Variants in FAM120A observed in about 807,000 individuals in gnomAD.
The protein encoded by FAM120A is constitutive coactivator of PPAR-gamma-like protein 1.
In FAM120A, 15 loss-of-function variants were observed where a neutral mutation model predicts 109.7. The ratio of observed to expected loss-of-function variants is 0.14; its 90% CI spans 0.09 to 0.21. The LOEUF is 0.21. Ranked by LOEUF, FAM120A falls within the 10% of genes least tolerant of loss-of-function variation. The probability of loss-of-function intolerance (pLI) is 1.00; values close to 1 mark genes in which losing one functional copy is unlikely to be tolerated. For synonymous variants in FAM120A, 493 were observed against 572.8 expected (o/e 0.86, Z 1.99); for missense variants, 899 against 1,439.3 (o/e 0.62, Z 6.07).
Position 93,543,564 on chromosome 9 carries a change from G to A in FAM120A, c.2159+93G>A, listed in dbSNP as rs1030097855. ...AGATGAGTTCTAGAAAGGATGTAAAGTTTATTCCTGATCAATCATGTTGAA... is the reference window on the plus strand; with the variant it reads ...AGATGAGTTCTAGAAAGGATGTAAAATTTATTCCTGATCAATCATGTTGAA... On this transcript the variant is annotated intron_variant, in intron 11 of 17. Coordinates refer to ENST00000277165, the MANE Select transcript of FAM120A (RefSeq NM_014612.5). 4.7e-5 allele frequency: 68 copies of A among 1,435,602 alleles called. No individual in the cohort carries two copies. In the African/African-American group the frequency reaches 8.7e-4, roughly 18 times the overall value. The allele number at this position is 1,435,602 out of a possible 1,614,324, so 88.9% of individuals were successfully genotyped here. A position where few individuals can be genotyped will look rare whatever the true frequency, so the allele number is the denominator to read the frequency against.
At chr9:93,525,415 C>T (rs557444958) in intron 7 of FAM120A, among the ~76,000 whole-genome samples, 10 of 152,258 alleles carry the variant, frequency 6.6e-5, no homozygotes, top group African/African-American at 2.4e-4. Flanking sequence ...GCCCCAGACA[C>T]TCTAGGGACA....
intron 12 of FAM120A, among the ~76,000 whole-genome samples, chr9:93,554,120 TACAC>T (rs10672125): frequency 0.025 from 2,141 of 87,310 alleles, 17 homozygotes; most frequent in Middle Eastern, 0.055. Flanking sequence ...GGCCATTTGA[TACAC>T]ACACACACAC....
chr9:93,479,944 C>G (rs1012824306), intron 3 of FAM120A, among the ~76,000 whole-genome samples: 6 of 152,176 alleles, frequency 3.9e-5, no homozygotes, highest in African/African-American at 1.4e-4. Flanking sequence ...GGGAGAACAA[C>G]TGTTAAATCA....
intron 7 of FAM120A, among the ~76,000 whole-genome samples, chr9:93,524,848 C>T (rs1861004375): frequency 6.6e-6 from 1 of 152,192 alleles, no homozygotes; most frequent in Admixed American, 6.5e-5. Flanking sequence ...GTCACTGACT[C>T]TACTTCCCTG....
intron 5 of FAM120A, among the ~76,000 whole-genome samples, chr9:93,507,757 CG>C (rs1294930744): frequency 6.6e-6 from 1 of 152,122 alleles, no homozygotes. Context: ...GGGCAGGCTT[CG>C]GCTGAATTTG....
intron 3 of FAM120A, among the ~76,000 whole-genome samples, chr9:93,494,790 T>A (rs1361252416): frequency 6.6e-6 from 1 of 152,094 alleles, no homozygotes; most frequent in Non-Finnish European, 1.5e-5. Flanking sequence ...CCTGCTTGTT[T>A]CATTTGGAAC....
Position 93,532,485 on chromosome 9 carries a change from G to C in FAM120A, c.1909+156G>C, listed in dbSNP as rs914177588. On this transcript the variant is annotated intron_variant, in intron 10 of 17. Transcript: ENST00000277165. The surrounding 1 kb of genome is among the most constrained non-coding windows in gnomAD (Gnocchi z 4.3). ...ATCGGGGCAGTAGGCCAGGGTAAAG[G>C]CTCTTAGAAAAGGAGGAGAAGCCAC... is the stretch of plus-strand genomic sequence containing the variant. 5 of 694,850 alleles carry C rather than the reference G, an allele frequency of 7.2e-6. No homozygotes were observed. The highest frequency in any genetic ancestry group is 2.7e-5 in the East Asian group (1 of 37,038). 43.0% of individuals were successfully genotyped at this position (694,850 alleles called of 1,614,324 possible). A position where few individuals can be genotyped will look rare whatever the true frequency, so the allele number is the denominator to read the frequency against.
At chr9:93,469,466 C>G (rs370846303) in intron 1 of FAM120A, among the ~76,000 whole-genome samples, 1 of 151,974 alleles carries the variant, frequency 6.6e-6, no homozygotes, top group Non-Finnish European at 1.5e-5. Flanking sequence ...TTAAAGATGT[C>G]TGGAAAAAAG....
At position 93,565,038 on chromosome 9, in the gene FAM120A, C is replaced by T. The variant is rs1302223041; in HGVS notation, c.*498C>T. On this transcript the variant is annotated 3_prime_UTR_variant, in exon 18 of 18. Coordinates refer to ENST00000277165, the MANE Select transcript of FAM120A (RefSeq NM_014612.5). ...TAAGGCACAACCACAGTTTTTCTTTCTTAAATTTCATCACTGTTGATGTGG... is the reference window on the plus strand; with the variant it reads ...TAAGGCACAACCACAGTTTTTCTTTTTTAAATTTCATCACTGTTGATGTGG... 6.6e-6 allele frequency: 1 copy of T among 152,242 alleles called. No homozygotes were observed. Among genetic ancestry groups the T allele is most frequent in the Non-Finnish European group, 1.5e-5 (1 of 68,022 alleles). The allele number at this position is 152,242 out of a possible 1,614,324, so 9.4% of individuals were successfully genotyped here. A position where few individuals can be genotyped will look rare whatever the true frequency, so the allele number is the denominator to read the frequency against.
intron 15 of FAM120A, among the ~76,000 whole-genome samples, chr9:93,560,116 G>A (rs944258501): frequency 6.6e-6 from 1 of 152,004 alleles, no homozygotes; most frequent in Admixed American, 6.5e-5. Flanking sequence ...AATATAGTGA[G>A]ACCCCTGCCT....
intron 2 of FAM120A, among the ~76,000 whole-genome samples, chr9:93,474,365 G>A (rs1444283571): frequency 6.6e-6 from 1 of 151,642 alleles, no homozygotes; most frequent in Non-Finnish European, 1.5e-5. Flanking sequence ...TTTTCACCAC[G>A]TTGGCCAGGC....
chr9:93,506,327 C>T (rs377542153), intron 5 of FAM120A, among the ~76,000 whole-genome samples: 2 of 152,016 alleles, frequency 1.3e-5, no homozygotes, highest in African/African-American at 2.4e-5. Context: ...AATATCTTTC[C>T]GTAAACTTGA....
At chr9:93,474,157 T>C (rs1858442192) in intron 2 of FAM120A, among the ~76,000 whole-genome samples, 1 of 152,210 alleles carries the variant, frequency 6.6e-6, no homozygotes, top group South Asian at 2.1e-4. Flanking sequence ...AGTGAAGTTA[T>C]AGGTAAGCTC....
chr9:93,471,720 CT>C (rs1564312400), intron 2 of FAM120A, among the ~76,000 whole-genome samples: 1 of 152,094 alleles, frequency 6.6e-6, no homozygotes, highest in Non-Finnish European at 1.5e-5. Context: ...ACATTTAAAC[CT>C]TTGACATAAA....
chr9:93,454,794 A>G (rs1256336049), intron 1 of FAM120A, among the ~76,000 whole-genome samples: 1 of 152,240 alleles, frequency 6.6e-6, no homozygotes, highest in Non-Finnish European at 1.5e-5. Context: ...AGTGTATACC[A>G]TTTAATAAAA....
At chr9:93,484,022 GT>G (rs112733028) in intron 3 of FAM120A, among the ~76,000 whole-genome samples, 9 of 151,462 alleles carry the variant, frequency 5.9e-5, no homozygotes, top group African/African-American at 1.7e-4. Flanking sequence ...CTCAAGAATA[GT>G]TTTTCTGTGT....
chr9:93,505,122 G>A (rs1215811858), intron 5 of FAM120A, among the ~76,000 whole-genome samples: 2 of 137,728 alleles, frequency 1.5e-5, no homozygotes, highest in South Asian at 2.5e-4. Context: ...GTGCAGTGGC[G>A]CAATCTCGGC....
chr9:93,545,780 C>CTTTTTTTTTTTTTTTTTTTTTTTTTTTTT lies in FAM120A; in HGVS notation c.2159+2335_2159+2336insTTTTTTTTTTTTTTTTTTTTTTTTTTTTT, dbSNP rs774150537. 3.7e-4 allele frequency among the ~76,000 whole-genome samples: 24 copies of CTTTTTTTTTTTTTTTTTTTTTTTTTTTTT among 65,512 alleles called. 5 individuals are homozygous for CTTTTTTTTTTTTTTTTTTTTTTTTTTTTT. Among genetic ancestry groups the CTTTTTTTTTTTTTTTTTTTTTTTTTTTTT allele is most frequent in the Non-Finnish European group, 4.3e-4 (15 of 34,770 alleles). 43.0% of individuals were successfully genotyped at this position (65,512 alleles called of 152,430 possible). A position where few individuals can be genotyped will look rare whatever the true frequency, so the allele number is the denominator to read the frequency against. ...GAAGACTGGCTGATGGGAAAGACTC[C>CTTTTTTTTTTTTTTTTTTTTTTTTTTTTT]TTTTTTTTTTTTTTTTTTTTTTTTT... is the stretch of plus-strand genomic sequence containing the variant. On this transcript the variant is annotated intron_variant, in intron 11 of 17. Transcript: ENST00000277165.
intron 2 of FAM120A, among the ~76,000 whole-genome samples, chr9:93,473,666 T>A (rs766484545): frequency 6.6e-6 from 1 of 152,214 alleles, no homozygotes; most frequent in Non-Finnish European, 1.5e-5. Context: ...ACTATATGAG[T>A]CAGTCAACAA....
Sources: gnomAD v4.1 joint callset for allele counts (sites outside exome capture counted in the v4.1 genomes callset) on GRCh38, gnomAD v4.1.1 for gene constraint, Gnocchi (gnomAD v3.1) non-coding constraint, MANE v1.5 for transcripts, NCBI Gene and HGNC (gene_info 2026-07-23, HGNC 2026-07-21) for gene names.